The following PDK3 variants were observed in gnomAD, a reference collection of about 807,000 sequenced individuals.
PDK3 encodes pyruvate dehydrogenase kinase, isozyme 3.
In PDK3, 12 loss-of-function variants were observed where a neutral mutation model predicts 32.0. The ratio of observed to expected loss-of-function variants is 0.37; its 90% CI spans 0.24 to 0.61. The LOEUF (loss-of-function observed/expected upper bound fraction) is 0.61. Among genes scored for constraint, PDK3 ranks in the 20% least tolerant of loss-of-function variants. PDK3 has a pLI of 0.65. For missense variants in PDK3, 188 were observed against 316.9 expected (o/e 0.59, Z 3.09); for synonymous variants, 122 against 116.3 (o/e 1.05, Z -0.31).
chrX:24,511,076 A>G (rs17217647), intron 5 of PDK3, among the ~76,000 whole-genome samples: 37,575 of 111,404 alleles, frequency 0.34, 4,577 homozygotes, highest in Non-Finnish European at 0.38. Flanking sequence ...TCTTCTAGCT[A>G]AAAGGCACTG....
chrX:24,522,524 G>A (rs1417568311), intron 6 of PDK3, among the ~76,000 whole-genome samples: 1 of 111,514 alleles, frequency 9.0e-6, no homozygotes, highest in Non-Finnish European at 1.9e-5. Flanking sequence ...TGAAAAGGTT[G>A]AATTCATAAG....
At chrX:24,542,940 C>A (rs941280280) in exon 12 of PDK3, among the ~76,000 whole-genome samples, 3 of 112,046 alleles carry the variant, frequency 2.7e-5, no homozygotes, top group African/African-American at 9.7e-5. Flanking sequence ...CAGCCTTTTT[C>A]CTTGAATTCT....
intron 3 of PDK3, among the ~76,000 whole-genome samples, chrX:24,500,864 T>C (rs1418619515): frequency 8.9e-6 from 1 of 111,806 alleles, no homozygotes; most frequent in Non-Finnish European, 1.9e-5. Flanking sequence ...CATTGAGCCA[T>C]TGAGGTAAGT....
exon 12 of PDK3, among the ~76,000 whole-genome samples, chrX:24,541,017 C>T (rs771682494): frequency 2.2e-4 from 21 of 97,552 alleles, no homozygotes; most frequent in African/African-American, 8.1e-4. Context: ...TCAAGCAATT[C>T]TTGTGCCTCA....
At chrX:24,529,957 G>A (rs984201540) in intron 9 of PDK3, among the ~76,000 whole-genome samples, 1 of 111,382 alleles carries the variant, frequency 9.0e-6, no homozygotes, top group Non-Finnish European at 1.9e-5. Context: ...TTGACACTCT[G>A]GGAAACCTTT....
Position 24,505,407 on chromosome X carries a change from G to A in PDK3, c.595+109G>A, listed in dbSNP as rs903846735. Reference sequence around the variant, plus strand: ...TGCAGTGCAGTCTGCTGATTCATCAGGTCACTCTGGGCCCAAGCCACTGGA... The same window carrying A: ...TGCAGTGCAGTCTGCTGATTCATCAAGTCACTCTGGGCCCAAGCCACTGGA... On this transcript the variant is annotated intron_variant, in intron 5 of 10. Transcript: ENST00000379162. 6.1e-6 allele frequency: 3 copies of A among 492,966 alleles called. No homozygotes were observed. The African/African-American group carries it at 7.1e-5, about 12-fold the overall frequency. 40.6% of individuals were successfully genotyped at this position (492,966 alleles called of 1,213,427 possible).
At chrX:24,524,102 G>T (rs1922464726) in intron 6 of PDK3, among the ~76,000 whole-genome samples, 1 of 112,183 alleles carries the variant, frequency 8.9e-6, no homozygotes, top group East Asian at 2.8e-4. Flanking sequence ...TAGATCAGAG[G>T]TGTAAAGATT....
Position 24,474,204 on chromosome X carries a change from G to A in PDK3, c.106+8643G>A, listed in dbSNP as rs148291415. On this transcript the variant is annotated intron_variant, in intron 1 of 10. Coordinates refer to ENST00000379162, the MANE Select transcript of PDK3 (RefSeq NM_005391.5). Reference sequence around the variant, plus strand: ...CTTTTCTTAGATTTTATCCTCAATTGTCTCTTTCCAAAGGGCAGGCGCTCA... The same window carrying A: ...CTTTTCTTAGATTTTATCCTCAATTATCTCTTTCCAAAGGGCAGGCGCTCA... 9.3e-3 allele frequency among the ~76,000 whole-genome samples: 1,025 copies of A among 110,231 alleles called. 6 individuals carry two copies. Among genetic ancestry groups the A allele is most frequent in the Non-Finnish European group, 0.014 (741 of 52,759 alleles).
chrX:24,501,489 G>A (rs1052093531), intron 3 of PDK3, among the ~76,000 whole-genome samples: 1 of 112,697 alleles, frequency 8.9e-6, no homozygotes, highest in African/African-American at 3.2e-5. Flanking sequence ...CAAGGCGGGC[G>A]GATCACCTGA....
chrX:24,505,259 A>G lies in PDK3; in HGVS notation c.556A>G (p.Ser186Gly), dbSNP rs761179602. The change falls in exon 5 of 11, where the codon AGT (serine) becomes GGT (glycine). Residue 186 changes from serine (S) to glycine (G), a missense_variant. Ser to Gly is a moderately conservative substitution (Grantham distance 56). Transcript: ENST00000379162. ...TNPVHPKHIG[S>G]IDPTCNVADV... is the part of the protein sequence containing the mutation. ...TCCTGTTCATCCTAAACACATAGGA[A>G]GTATCGATCCCACCTGTAACGTGGC... The G allele has an allele frequency of 8.3e-7, 1 of 1,206,734 alleles. No individual in the cohort carries two copies. The highest frequency in any genetic ancestry group is 1.8e-5 in the South Asian group (1 of 56,667).
intron 5 of PDK3, among the ~76,000 whole-genome samples, chrX:24,510,489 A>C (rs1179055726): frequency 8.9e-6 from 1 of 112,662 alleles, no homozygotes; most frequent in Non-Finnish European, 1.9e-5. Flanking sequence ...ACCTGTTTTC[A>C]TAATTTAGTG....
At chrX:24,531,606 T>C (rs1602128527) in intron 9 of PDK3, 51 bp from the exon 10 acceptor site, 1 of 639,671 alleles carries the variant, frequency 1.6e-6, no homozygotes, top group Non-Finnish European at 2.6e-6. Flanking sequence ...TCATATAAAA[T>C]GTGTTAGCAT....
At chrX:24,482,564 G>A (rs981840605) in intron 1 of PDK3, among the ~76,000 whole-genome samples, 52 of 111,722 alleles carry the variant, frequency 4.7e-4, no homozygotes, top group African/African-American at 1.6e-3. Flanking sequence ...ATTCTTTATA[G>A]CAAATATAGT....
intron 6 of PDK3, among the ~76,000 whole-genome samples, chrX:24,522,450 T>G (rs1922420266): frequency 9.0e-6 from 1 of 111,490 alleles, no homozygotes. Context: ...TTGTTTAAAC[T>G]GAAAAAATAA....
intron 5 of PDK3, 30 bp from the exon 6 acceptor site, chrX:24,518,903 C>G (rs1318324654): frequency 9.9e-7 from 1 of 1,005,557 alleles, no homozygotes; most frequent in Non-Finnish European, 1.4e-6. Flanking sequence ...GTTATTAGTA[C>G]AGCAGCTAAA....
rs1170377313 is a variant in PDK3 at position 24,505,375 on chromosome X, G to A, written c.595+77G>A. The A allele has an allele frequency of 5.3e-6, 4 of 748,772 alleles. No individual in the cohort carries two copies. In the African/African-American group the frequency reaches 8.3e-5, roughly 16 times the overall value. 61.7% of individuals were successfully genotyped at this position (748,772 alleles called of 1,213,427 possible). A position where few individuals can be genotyped will look rare whatever the true frequency, so the allele number is the denominator to read the frequency against. ...TTATTGGAGGCAGCTTGGCTATAGG[G>A]TTATTTTGCAGTGCAGTCTGCTGAT... On this transcript the variant is annotated intron_variant, in intron 5 of 10. Transcript: ENST00000379162.
chrX:24,543,683 A>T (rs1448875143), exon 12 of PDK3, among the ~76,000 whole-genome samples: 1 of 110,959 alleles, frequency 9.0e-6, no homozygotes, highest in Non-Finnish European at 1.9e-5. Flanking sequence ...TCCCGACCTC[A>T]AGTGATCCAC....
chrX:24,481,321 G>A (rs933285268), intron 1 of PDK3, among the ~76,000 whole-genome samples: 15 of 112,325 alleles, frequency 1.3e-4, no homozygotes, highest in African/African-American at 3.2e-4. Context: ...GTGAGCCACC[G>A]CGCCTGGCCC....
chrX:24,547,002 A>G (rs1351049723), exon 12 of PDK3: 1 of 112,421 alleles, frequency 8.9e-6, no homozygotes, highest in Non-Finnish European at 1.9e-5. Flanking sequence ...ATTTTTTGGT[A>G]TAAAACACCG....
Sources: allele counts gnomAD v4.1 joint callset (sites outside exome capture counted in the v4.1 genomes callset), GRCh38; gene constraint gnomAD v4.1.1; transcripts MANE v1.5; gene names NCBI Gene and HGNC (gene_info 2026-07-23, HGNC 2026-07-21).